Variants in TECPR1 observed in about 807,000 individuals in gnomAD.
TECPR1 encodes the protein tectonin beta-propeller repeat containing 1.
A neutral mutation model predicts 162.4 loss-of-function variants in TECPR1; 122 were observed. That is an observed-to-expected ratio of 0.75 (90% CI 0.65 to 0.87). TECPR1 has a LOEUF of 0.87. Among genes scored for constraint, TECPR1 ranks in the 40% least tolerant of loss-of-function variants. The pLI, the probability that TECPR1 is intolerant of heterozygous loss-of-function variation, is 0.00. For synonymous variants in TECPR1, 642 were observed against 670.6 expected (o/e 0.96, Z 0.66); for missense variants, 1,432 against 1,618.2 (o/e 0.88, Z 1.97).
intron 6 of TECPR1, among the ~76,000 whole-genome samples, chr7:98,242,030 G>A (rs1798762826): frequency 6.6e-6 from 1 of 152,174 alleles, no homozygotes; most frequent in African/African-American, 2.4e-5. Context: ...CATCCAGATG[G>A]CCATGGCCCC....
intron 8 of TECPR1, among the ~76,000 whole-genome samples, chr7:98,239,995 G>A (rs1297335010): frequency 1.3e-5 from 2 of 152,096 alleles, no homozygotes; most frequent in East Asian, 3.9e-4. Context: ...CTGTAGCCCC[G>A]CTACGAGGGA....
At chr7:98,247,173 T>C (rs1199062644) in intron 2 of TECPR1, among the ~76,000 whole-genome samples, 3 of 151,758 alleles carry the variant, frequency 2.0e-5, no homozygotes, top group Admixed American at 6.6e-5. Flanking sequence ...GACAGGGTCT[T>C]GCTCGGTCAC....
intron 2 of TECPR1, among the ~76,000 whole-genome samples, chr7:98,249,039 C>T (rs980605034): frequency 1.3e-5 from 2 of 151,968 alleles, no homozygotes; most frequent in Non-Finnish European, 2.9e-5. Flanking sequence ...CAGACCTGCA[C>T]CACCACATCT....
At chr7:98,246,212 G>C in intron 2 of TECPR1, 47 bp from the exon 3 acceptor site, 1 of 1,248,562 alleles carries the variant, frequency 8.0e-7, no homozygotes, top group African/African-American at 1.5e-5. Context: ...CAGCCCAGGG[G>C]ACATCAGAGT....
intron 8 of TECPR1, among the ~76,000 whole-genome samples, chr7:98,239,911 C>A (rs1038764470): frequency 5.3e-5 from 8 of 152,038 alleles, no homozygotes; most frequent in South Asian, 2.1e-4. Flanking sequence ...GATATCGAGA[C>A]CATCCTGGCT....
In TECPR1 at chr7:98,233,713, A is replaced by G; in HGVS notation, c.1380T>C (p.Asp460=). 6.2e-7 allele frequency: 1 copy of G among 1,611,770 alleles called. No homozygotes were observed. Among genetic ancestry groups the G allele is most frequent in the Non-Finnish European group, 8.5e-7 (1 of 1,179,302 alleles). Residue 460 remains aspartate, a synonymous_variant, in exon 11 of 26, where the codon GAT becomes GAC. Coordinates refer to ENST00000447648, the MANE Select transcript of TECPR1 (RefSeq NM_015395.3). ...CCCTGCTGCCCTCGGCTGGGCAGGC[A>G]TCTTCCACGGTATCTTCTGCGGTCC... ...AGRTAEDTVE[D]ACPAEGSREA... is the part of the protein sequence containing the mutation.
At chr7:98,236,973 CT>C in intron 9 of TECPR1, 52 bp from the exon 10 acceptor site, 1 of 1,472,392 alleles carries the variant, frequency 6.8e-7, no homozygotes, top group Admixed American at 2.4e-5. Flanking sequence ...CCCGGGGGCT[CT>C]TCTCGCTTCC....
Position 98,243,611 on chromosome 7 carries a change from A to T in TECPR1, c.532-19T>A. On this transcript the variant is annotated intron_variant, in intron 5 of 25. Coordinates refer to ENST00000447648, the MANE Select transcript of TECPR1 (RefSeq NM_015395.3). ...AGGGGATCTGAAGGAAGGAAGTGAG[A>T]AATGGTAGCAGTCAGCGCCCAGTGG... 1 of 1,609,038 alleles carries T rather than the reference A, an allele frequency of 6.2e-7. No homozygotes were observed. Among genetic ancestry groups the T allele is most frequent in the Non-Finnish European group, 8.5e-7 (1 of 1,177,448 alleles).
At chr7:98,249,990 T>C (rs184074517) in intron 2 of TECPR1, among the ~76,000 whole-genome samples, 2 of 152,000 alleles carry the variant, frequency 1.3e-5, no homozygotes, top group East Asian at 3.9e-4. Context: ...ATTTCCATAA[T>C]AGTCTCTGCA....
intron 20 of TECPR1, 76 bp from the exon 21 acceptor site, chr7:98,223,246 C>CA: frequency 7.0e-7 from 1 of 1,438,336 alleles, no homozygotes. Context: ...CCTCTGGAGC[C>CA]AGGAGGAGGA....
Position 98,232,095 on chromosome 7 carries a change from C to A in TECPR1, c.1819-136G>T, listed in dbSNP as rs34304553. On this transcript the variant is annotated intron_variant, in intron 12 of 25. Coordinates refer to ENST00000447648, the MANE Select transcript of TECPR1 (RefSeq NM_015395.3). The surrounding 1 kb of genome is among the most constrained non-coding windows in gnomAD (Gnocchi z 4.6). ...CCAGCACTCCCGGCTGTCAGCCCAG[C>A]TCCCCCTATGCTAATGATAACAGTG... 6 of 866,776 alleles carry A rather than the reference C, an allele frequency of 6.9e-6. No individual in the cohort carries two copies. Among genetic ancestry groups the A allele is most frequent in the Non-Finnish European group, 1.1e-5 (6 of 563,892 alleles). 53.7% of individuals were successfully genotyped at this position (866,776 alleles called of 1,614,324 possible).
At chr7:98,218,853 A>G (rs1584319390) in intron 23 of TECPR1, among the ~76,000 whole-genome samples, 1 of 152,180 alleles carries the variant, frequency 6.6e-6, no homozygotes, top group African/African-American at 2.4e-5. Context: ...CTATTAAAAT[A>G]CTGTCATCAT....
At chr7:98,231,687 C>T in intron 13 of TECPR1, 117 bp downstream of exon 13, 2 of 1,333,172 alleles carry the variant, frequency 1.5e-6, no homozygotes, top group Non-Finnish European at 2.1e-6. Flanking sequence ...GTGTCCCTCC[C>T]TGGGCACCCT....
intron 9 of TECPR1, among the ~76,000 whole-genome samples, chr7:98,237,255 A>T (rs1381090660): frequency 6.6e-6 from 1 of 151,996 alleles, no homozygotes; most frequent in Non-Finnish European, 1.5e-5. Context: ...TGGGAAGCAG[A>T]TGCCCCCAGT....
At chr7:98,229,460 A>C (rs1163845127) in intron 15 of TECPR1, among the ~76,000 whole-genome samples, 1 of 152,082 alleles carries the variant, frequency 6.6e-6, no homozygotes, top group African/African-American at 2.4e-5. Flanking sequence ...ACATGGAGGG[A>C]GATGAGGCCA....
chr7:98,232,689 T>A lies in TECPR1; in HGVS notation c.1818+138A>T. On this transcript the variant is annotated intron_variant, in intron 12 of 25. Coordinates refer to ENST00000447648, the MANE Select transcript of TECPR1 (RefSeq NM_015395.3). This position sits in a 1 kb window ranked among gnomAD's most constrained non-coding sequence, Gnocchi z 4.6. Reference sequence around the variant, plus strand: ...GACGAAGAAACCCTGAGCTCATTTCTCTATGCCTGCATCTGGGCGGGAGAC... The same window carrying A: ...GACGAAGAAACCCTGAGCTCATTTCACTATGCCTGCATCTGGGCGGGAGAC... The A allele has an allele frequency of 8.5e-7, 1 of 1,182,784 alleles. No individual in the cohort carries two copies. 73.3% of individuals were successfully genotyped at this position (1,182,784 alleles called of 1,614,324 possible). A position where few individuals can be genotyped will look rare whatever the true frequency, so the allele number is the denominator to read the frequency against.
intron 17 of TECPR1, among the ~76,000 whole-genome samples, chr7:98,226,952 A>G (rs1205091128): frequency 1.3e-5 from 2 of 151,942 alleles, no homozygotes; most frequent in Non-Finnish European, 2.9e-5. Flanking sequence ...AACAAAAAAA[A>G]CAAAGAAAAG....
chr7:98,236,742 CCTGA>C, intron 10 of TECPR1, 30 bp downstream of exon 10: 1 of 1,581,978 alleles, frequency 6.3e-7, no homozygotes, highest in Middle Eastern at 1.7e-4. Context: ...CCCATCCCAG[CCTGA>C]CTCCTGCGCA....
At chr7:98,227,925 C>T (rs1177648991) in intron 17 of TECPR1, 89 bp downstream of exon 17, 2 of 1,066,512 alleles carry the variant, frequency 1.9e-6, no homozygotes, top group Non-Finnish European at 2.8e-6. Context: ...CTACTGGACT[C>T]CACGCTACGG....
Sources: gnomAD v4.1 joint callset for allele counts (sites outside exome capture counted in the v4.1 genomes callset) on GRCh38, gnomAD v4.1.1 for gene constraint, Gnocchi (gnomAD v3.1) non-coding constraint, MANE v1.5 for transcripts, NCBI Gene and HGNC (gene_info 2026-07-23, HGNC 2026-07-21) for gene names.